The following CELF2 variants were observed in gnomAD, a reference collection of about 807,000 sequenced individuals.
CELF2 encodes the protein CUGBP Elav-like family member 2.
In CELF2, 8 loss-of-function variants were observed where a neutral mutation model predicts 62.6. That is an observed-to-expected ratio of 0.13 (90% CI 0.07 to 0.23). CELF2 has a LOEUF of 0.23. Ranked by LOEUF, CELF2 falls within the 10% of genes least tolerant of loss-of-function variation. The pLI is 1.00. For missense variants in CELF2, 333 were observed against 671.0 expected, an observed-to-expected ratio of 0.50 and a Z score of 5.56; for synonymous variants, 258 against 250.0, an observed-to-expected ratio of 1.03 and a Z score of -0.30.
chr10:10,725,385 T>C, the CELF2 span, among the ~76,000 whole-genome samples: 3 of 152,288 alleles, frequency 2.0e-5, no homozygotes, highest in Non-Finnish European at 4.4e-5. Context: ...GTAGTAGCTA[T>C]TAAATAGTCC....
At chr10:10,964,105 G>C (rs1156408533) in intron 2 of CELF2, among the ~76,000 whole-genome samples, 4 of 152,198 alleles carry the variant, frequency 2.6e-5, no homozygotes, top group Non-Finnish European at 5.9e-5. Flanking sequence ...AAAAGGAAGA[G>C]CAGAGCACTA....
At chr10:10,882,410 G>A (rs1024231669) in intron 1 of CELF2, among the ~76,000 whole-genome samples, 10 of 152,132 alleles carry the variant, frequency 6.6e-5, no homozygotes, top group East Asian at 1.9e-4. Flanking sequence ...CCATTCTGTC[G>A]TGACTTGACC....
intron 1 of CELF2, among the ~76,000 whole-genome samples, chr10:11,148,710 A>C (rs1294564429): frequency 6.6e-6 from 1 of 152,160 alleles, no homozygotes; most frequent in Admixed American, 6.5e-5. Flanking sequence ...GTGGTTCCAT[A>C]ATTTATTTCA....
At chr10:11,068,903 G>A (rs1283584384) in intron 1 of CELF2, among the ~76,000 whole-genome samples, 1 of 152,172 alleles carries the variant, frequency 6.6e-6, no homozygotes, top group Non-Finnish European at 1.5e-5. Context: ...TTCTGTCTTA[G>A]CATTACCACA....
At chr10:11,186,625 C>T (rs757307113) in intron 2 of CELF2, among the ~76,000 whole-genome samples, 8 of 152,108 alleles carry the variant, frequency 5.3e-5, no homozygotes, top group South Asian at 2.1e-4. Flanking sequence ...ATACAGATTG[C>T]GCATCCCTAA....
chr10:10,550,824 G>C, the CELF2 span, among the ~76,000 whole-genome samples: 1 of 151,744 alleles, frequency 6.6e-6, no homozygotes, highest in Non-Finnish European at 1.5e-5. Context: ...TCAGCCTCCC[G>C]AGTGGCTGGG....
rs1333847511 is a variant in CELF2 at position 10,959,251 on chromosome 10, A to T, written c.89+39252A>T. 3.9e-5 allele frequency among the ~76,000 whole-genome samples: 6 copies of T among 152,318 alleles called. No individual in the cohort carries two copies. The East Asian group carries it at 1.2e-3, about 29-fold the overall frequency. On this transcript the variant is annotated intron_variant, in intron 2 of 13. Transcript: ENST00000636488. ...AGGTGACATCGCGCCACTGCACTTC[A>T]GCCTGGACAACAGAGTGAGACTCCA...
chr10:10,983,992 A>C lies in CELF2; in HGVS notation c.89+63993A>C, dbSNP rs1371227641. Reference sequence around the variant, plus strand: ...AGTTGCGAATGGAAGACTTATAACCACACATGTGAATCTGCCGATTTTTTT... The same window carrying C: ...AGTTGCGAATGGAAGACTTATAACCCCACATGTGAATCTGCCGATTTTTTT... On this transcript the variant is annotated intron_variant, in intron 2 of 13. Coordinates refer to the CELF2 transcript ENST00000636488. The surrounding 1 kb of genome is among the most constrained non-coding windows in gnomAD (Gnocchi z 5.2). 6.6e-6 allele frequency among the ~76,000 whole-genome samples: 1 copy of C among 152,234 alleles called. No homozygotes were observed. The highest frequency in any genetic ancestry group is 1.5e-5 in the Non-Finnish European group (1 of 68,038).
intron 4 of CELF2, among the ~76,000 whole-genome samples, 192 bp downstream of exon 4, chr10:11,249,393 G>A (rs1406925165): frequency 1.3e-5 from 2 of 152,160 alleles, no homozygotes; most frequent in Admixed American, 1.3e-4. Flanking sequence ...CTGTCCTGTT[G>A]ATGATCTCTG....
chr10:11,220,067 G>A lies in CELF2; in HGVS notation c.354+2560G>A, dbSNP rs948055282. ...TGCCATATGCCTTCAATTTCTTTCT[G>A]AATAAAACTAAAAGTGATAAAGAAA... On this transcript the variant is annotated intron_variant, in intron 3 of 12. Coordinates refer to ENST00000633077, the MANE Select transcript of CELF2 (RefSeq NM_001326342.2). The surrounding 1 kb of genome is among the most constrained non-coding windows in gnomAD (Gnocchi z 4.4). Among the ~76,000 whole-genome samples, 34 of 152,082 alleles carry A rather than the reference G, an allele frequency of 2.2e-4. No individual in the cohort carries two copies. The highest frequency in any genetic ancestry group is 8.2e-4 in the African/African-American group (34 of 41,416).
intron 1 of CELF2, among the ~76,000 whole-genome samples, chr10:11,029,569 C>T (rs1305605191): frequency 6.6e-6 from 1 of 152,222 alleles, no homozygotes; most frequent in African/African-American, 2.4e-5. Context: ...CTCCAAAATG[C>T]AGACTCTTGC....
chr10:10,679,165 G>A, the CELF2 span, among the ~76,000 whole-genome samples: 2 of 152,176 alleles, frequency 1.3e-5, no homozygotes, highest in African/African-American at 4.8e-5. Flanking sequence ...ATCAAGAATG[G>A]TAGGAGATGG....
chr10:10,526,745 C>CA, the CELF2 span, among the ~76,000 whole-genome samples: 1 of 152,208 alleles, frequency 6.6e-6, no homozygotes, highest in Non-Finnish European at 1.5e-5. Flanking sequence ...AAAAGTGCTA[C>CA]AAAAGGAATA....
the CELF2 span, among the ~76,000 whole-genome samples, chr10:10,498,480 T>C: frequency 6.6e-6 from 1 of 152,150 alleles, no homozygotes. Flanking sequence ...ACTCTGCCAG[T>C]GGTTAAAAGG....
In CELF2 at chr10:11,156,640, G is replaced by C. The variant is rs577940374; in HGVS notation, c.75-8846G>C. Among the ~76,000 whole-genome samples the C allele has an allele frequency of 2.0e-5, 3 of 152,210 alleles. No individual in the cohort carries two copies. The highest frequency in any genetic ancestry group is 7.2e-5 in the African/African-American group (3 of 41,492). On this transcript the variant is annotated intron_variant, in intron 1 of 12. Transcript: ENST00000633077. The surrounding 1 kb of genome is among the most constrained non-coding windows in gnomAD (Gnocchi z 4.3). ...AGCTCCTTGAATTTGTCAGACTCGC[G>C]TCATAAATATGATTAAGTGAATGAA...
chr10:10,651,164 T>A, the CELF2 span, among the ~76,000 whole-genome samples: 2 of 103,132 alleles, frequency 1.9e-5, no homozygotes, highest in African/African-American at 3.6e-5. Context: ...TTTTCAGACC[T>A]GCTTAAAAAA....
the CELF2 span, among the ~76,000 whole-genome samples, chr10:10,698,817 T>G: frequency 6.6e-6 from 1 of 152,206 alleles, no homozygotes; most frequent in Non-Finnish European, 1.5e-5. Context: ...CTAGAGGCAG[T>G]CTTTTCAACA....
intron 2 of CELF2, among the ~76,000 whole-genome samples, chr10:11,215,345 C>T (rs540444534): frequency 6.6e-6 from 1 of 152,198 alleles, no homozygotes; most frequent in Non-Finnish European, 1.5e-5. Context: ...TGTTCCTTGT[C>T]GCTTTTATCT....
At chr10:10,632,725 C>G in the CELF2 span, among the ~76,000 whole-genome samples, 1 of 152,226 alleles carries the variant, frequency 6.6e-6, no homozygotes, top group East Asian at 1.9e-4. Context: ...GATAAAAACA[C>G]GTAGTATAAA....
Sources: gnomAD v4.1 joint callset for allele counts (sites outside exome capture counted in the v4.1 genomes callset) on GRCh38, gnomAD v4.1.1 for gene constraint, Gnocchi (gnomAD v3.1) non-coding constraint, MANE v1.5 for transcripts, NCBI Gene and HGNC (gene_info 2026-07-23, HGNC 2026-07-21) for gene names.